PTPRR: variants seen among roughly 807,000 people sequenced by gnomAD.
PTPRR encodes the protein protein tyrosine phosphatase receptor type R.
A neutral mutation model predicts 77.2 loss-of-function variants in PTPRR; 38 were observed. The observed-to-expected ratio is 0.49, with a 90% CI of 0.38 to 0.65. The LOEUF (loss-of-function observed/expected upper bound fraction) is 0.65, where lower values mean the gene tolerates loss of function less well. Among genes scored for constraint, PTPRR ranks in the 30% least tolerant of loss-of-function variants. The probability of loss-of-function intolerance (pLI) is 0.00; values close to 1 mark genes in which losing one functional copy is unlikely to be tolerated. For missense variants in PTPRR, 744 were observed against 799.2 expected (o/e 0.93, Z 0.83); for synonymous variants, 299 against 283.1 (o/e 1.06, Z -0.57).
At chr12:70,862,277 C>T (rs2137079939) in intron 2 of PTPRR, among the ~76,000 whole-genome samples, 1 of 152,044 alleles carries the variant, frequency 6.6e-6, no homozygotes, top group Middle Eastern at 3.4e-3. Flanking sequence ...CTCATATATA[C>T]CATGAAGATA....
At chr12:70,865,388 C>T (rs114484968) in intron 2 of PTPRR, among the ~76,000 whole-genome samples, 12 of 117,528 alleles carry the variant, frequency 1.0e-4, no homozygotes, top group African/African-American at 2.1e-4. Context: ...GATATACTTA[C>T]GAGACAGATT....
chr12:70,876,921 A>G (rs1371302688), intron 2 of PTPRR, among the ~76,000 whole-genome samples: 3 of 152,218 alleles, frequency 2.0e-5, no homozygotes, highest in African/African-American at 7.2e-5. Context: ...ATTCTGGCTG[A>G]TGGAAAAGAT....
At chr12:70,717,578 G>C (rs983062822) in intron 6 of PTPRR, among the ~76,000 whole-genome samples, 4 of 152,136 alleles carry the variant, frequency 2.6e-5, no homozygotes, top group African/African-American at 9.7e-5. Context: ...TCACATTTTT[G>C]TAATTTAATG....
intron 1 of PTPRR, among the ~76,000 whole-genome samples, chr12:70,910,772 C>T (rs1237922575): frequency 6.6e-6 from 1 of 152,094 alleles, no homozygotes; most frequent in Non-Finnish European, 1.5e-5. Flanking sequence ...GAGACATGCC[C>T]AAATGCCCAA....
In PTPRR at chr12:70,754,424, C is replaced by T. The variant is rs1367029204; in HGVS notation, c.628-123G>A. Reference sequence around the variant, plus strand: ...AGTGTAGTGCAACACACCTACACCCCCCGCTGCCAGAGCTGCTTCTCAAAC... The same window carrying T: ...AGTGTAGTGCAACACACCTACACCCTCCGCTGCCAGAGCTGCTTCTCAAAC... On this transcript the variant is annotated intron_variant, in intron 4 of 13. Coordinates refer to ENST00000283228, the MANE Select transcript of PTPRR (RefSeq NM_002849.4). 1.4e-5 allele frequency: 22 copies of T among 1,564,250 alleles called. No individual in the cohort carries two copies. The South Asian group carries it at 2.3e-4, about 17-fold the overall frequency.
intron 8 of PTPRR, among the ~76,000 whole-genome samples, chr12:70,690,444 T>C (rs528388735): frequency 6.6e-6 from 1 of 152,288 alleles, no homozygotes; most frequent in Admixed American, 6.5e-5. Flanking sequence ...GTCCAATAAT[T>C]ATCACGATCT....
chr12:70,899,156 A>C (rs890639350), intron 1 of PTPRR, among the ~76,000 whole-genome samples: 9 of 151,516 alleles, frequency 5.9e-5, no homozygotes, highest in African/African-American at 2.2e-4. Context: ...AAGAAAAAAT[A>C]ACATCAAATC....
chr12:70,699,226 T>A (rs746437199), intron 7 of PTPRR, among the ~76,000 whole-genome samples: 1 of 152,230 alleles, frequency 6.6e-6, no homozygotes, highest in Non-Finnish European at 1.5e-5. Flanking sequence ...ATTTAATGAC[T>A]GATAAACATT....
In PTPRR at chr12:70,795,913, A is replaced by ATTTTTTTTTTTTTTTTTTTTTTTTT. The variant is rs71437157; in HGVS notation, c.358-31160_358-31136dup. ...TATATGTTCAAAATGTATTTAGTAG[A>ATTTTTTTTTTTTTTTTTTTTTTTTT]TTTTTTTTTTTTTTTTTTTTTTTTT... On this transcript the variant is annotated intron_variant, in intron 2 of 13. Coordinates refer to ENST00000283228, the MANE Select transcript of PTPRR (RefSeq NM_002849.4). 1.1e-4 allele frequency among the ~76,000 whole-genome samples: 10 copies of ATTTTTTTTTTTTTTTTTTTTTTTTT among 88,356 alleles called. 4 individuals carry two copies. Among genetic ancestry groups the ATTTTTTTTTTTTTTTTTTTTTTTTT allele is most frequent in the African/African-American group, 1.2e-4 (3 of 25,104 alleles). 58.0% of individuals were successfully genotyped at this position (88,356 alleles called of 152,430 possible).
chr12:70,874,621 CT>C (rs1893017873), intron 2 of PTPRR, among the ~76,000 whole-genome samples: 1 of 152,104 alleles, frequency 6.6e-6, no homozygotes, highest in South Asian at 2.1e-4. Flanking sequence ...TTACATATAA[CT>C]TTTGTTAAAA....
intron 8 of PTPRR, among the ~76,000 whole-genome samples, chr12:70,696,955 T>C (rs1888253615): frequency 6.6e-6 from 1 of 152,174 alleles, no homozygotes; most frequent in African/African-American, 2.4e-5. Flanking sequence ...ATTGATTCTA[T>C]TGTGTGACTA....
chr12:70,853,213 C>G (rs1892599318), intron 2 of PTPRR, among the ~76,000 whole-genome samples: 1 of 152,188 alleles, frequency 6.6e-6, no homozygotes, highest in Non-Finnish European at 1.5e-5. Context: ...TTAATTCTCT[C>G]CATCCTTACA....
At chr12:70,798,665 G>A (rs1891557970) in intron 2 of PTPRR, among the ~76,000 whole-genome samples, 2 of 152,098 alleles carry the variant, frequency 1.3e-5, no homozygotes, top group Non-Finnish European at 1.5e-5. Flanking sequence ...TTGAAATGCT[G>A]CTTACTCTGA....
intron 2 of PTPRR, among the ~76,000 whole-genome samples, chr12:70,804,364 TTGGCAACA>T (rs1891672142): frequency 6.6e-6 from 1 of 152,008 alleles, no homozygotes; most frequent in South Asian, 2.1e-4. Flanking sequence ...GAGACCAGCC[TTGGCAACA>T]TGGCAAAACC....
chr12:70,917,144 T>C (rs1425882519), intron 1 of PTPRR, among the ~76,000 whole-genome samples: 2 of 152,194 alleles, frequency 1.3e-5, no homozygotes, highest in Non-Finnish European at 2.9e-5. Context: ...TTCCACATAA[T>C]ATTTTTTTAC....
intron 2 of PTPRR, among the ~76,000 whole-genome samples, chr12:70,792,341 G>T (rs1436132832): frequency 6.6e-6 from 1 of 152,234 alleles, no homozygotes; most frequent in East Asian, 1.9e-4. Context: ...ACTAATAAAT[G>T]GCAGAATTAG....
intron 12 of PTPRR, among the ~76,000 whole-genome samples, chr12:70,660,606 T>C (rs939840941): frequency 3.9e-5 from 6 of 152,238 alleles, no homozygotes; most frequent in Non-Finnish European, 5.9e-5. Context: ...TCTTTATTCC[T>C]GGTGTGTACA....
chr12:70,826,389 T>C (rs1190133863), intron 2 of PTPRR, among the ~76,000 whole-genome samples: 1 of 152,162 alleles, frequency 6.6e-6, no homozygotes, highest in East Asian at 1.9e-4. Context: ...GAGATGGGGC[T>C]CATGCTGAGC....
chr12:70,771,490 T>C (rs537921139), intron 2 of PTPRR, among the ~76,000 whole-genome samples: 23 of 152,266 alleles, frequency 1.5e-4, no homozygotes, highest in African/African-American at 5.5e-4. Context: ...AATCTCAGTG[T>C]TATGATCCAG....
Sources: gnomAD v4.1 joint callset for allele counts (sites outside exome capture counted in the v4.1 genomes callset) on GRCh38, gnomAD v4.1.1 for gene constraint, MANE v1.5 for transcripts, NCBI Gene and HGNC (gene_info 2026-07-23, HGNC 2026-07-21) for gene names.